PCDHA7: variants seen among roughly 807,000 people sequenced by gnomAD.
The protein encoded by PCDHA7 is protocadherin alpha 7.
PCDHA7 carries 37 observed loss-of-function variants against 57.2 expected under a neutral mutation model. The ratio of observed to expected loss-of-function variants is 0.65; its 90% CI spans 0.50 to 0.85. PCDHA7 has a LOEUF of 0.85. Among genes scored for constraint, PCDHA7 ranks in the 40% least tolerant of loss-of-function variants. The pLI, the probability that PCDHA7 is intolerant of heterozygous loss-of-function variation, is 0.00. For synonymous variants in PCDHA7, 553 were observed against 558.8 expected (o/e 0.99, Z 0.15); for missense variants, 1,188 against 1,241.8 (o/e 0.96, Z 0.65).
In PCDHA7 at chr5:140,856,944, G is replaced by A; in HGVS notation, c.2355+20206G>A. Reference sequence around the variant, plus strand: ...AAATTTTGGATAAACGAAAGGACGGGAGAAATAAAAGTAAATGATGCTATT... The same window carrying A: ...AAATTTTGGATAAACGAAAGGACGGAAGAAATAAAAGTAAATGATGCTATT... On this transcript the variant is annotated intron_variant, in intron 1 of 3. Transcript: ENST00000525929. 1.9e-6 allele frequency: 3 copies of A among 1,593,674 alleles called. 1 individual carries two copies. The highest frequency in any genetic ancestry group is 2.6e-6 in the Non-Finnish European group (3 of 1,163,664).
At chr5:140,926,143 C>A (rs2082940711) in intron 1 of PCDHA7, among the ~76,000 whole-genome samples, 1 of 152,068 alleles carries the variant, frequency 6.6e-6, no homozygotes, top group African/African-American at 2.4e-5. Context: ...CAGGATCCAG[C>A]GCGGAAAGCT....
At chr5:140,983,257 A>C (rs2097036264) in intron 3 of PCDHA7, among the ~76,000 whole-genome samples, 1 of 152,214 alleles carries the variant, frequency 6.6e-6, no homozygotes, top group Non-Finnish European at 1.5e-5. Context: ...GTTGTGTAAA[A>C]AACCTAATGG....
chr5:140,879,943 G>C (rs1554171086), intron 1 of PCDHA7, among the ~76,000 whole-genome samples: 1 of 152,078 alleles, frequency 6.6e-6, no homozygotes, highest in Non-Finnish European at 1.5e-5. Flanking sequence ...ATTGTATTTA[G>C]GGCCCATCTG....
chr5:140,859,125 T>C (rs2045735975), intron 1 of PCDHA7: 1 of 150,194 alleles, frequency 6.7e-6, no homozygotes, highest in East Asian at 1.9e-4. Flanking sequence ...TATGTTTCTT[T>C]TATTTACATA....
At chr5:140,857,673 C>T (rs372854727) in intron 1 of PCDHA7, 3 of 1,596,826 alleles carry the variant, frequency 1.9e-6, no homozygotes, top group Non-Finnish European at 2.6e-6. Context: ...GGGGGCGTGC[C>T]GCCTCTGGGC....
intron 1 of PCDHA7, chr5:140,930,241 C>T (rs2086688232): frequency 1.3e-5 from 2 of 152,148 alleles, no homozygotes; most frequent in African/African-American, 2.4e-5. Context: ...ATCCAAAGTC[C>T]ATTCAACTTG....
chr5:140,997,971 G>A (rs2097791982), intron 3 of PCDHA7, among the ~76,000 whole-genome samples: 3 of 152,086 alleles, frequency 2.0e-5, no homozygotes, highest in Admixed American at 2.0e-4. Context: ...CCTGTGGTTG[G>A]ACTGCACTTG....
At chr5:140,963,523 A>T (rs2095769740) in intron 1 of PCDHA7, among the ~76,000 whole-genome samples, 1 of 152,218 alleles carries the variant, frequency 6.6e-6, no homozygotes. Flanking sequence ...CTCATAACAG[A>T]AGTCCCATTT....
chr5:140,897,161 G>C (rs1554187213), intron 1 of PCDHA7, among the ~76,000 whole-genome samples: 1 of 151,938 alleles, frequency 6.6e-6, no homozygotes, highest in African/African-American at 2.4e-5. Flanking sequence ...TTCTTCTACT[G>C]TCTATCTCCA....
At chr5:140,857,677 T>A (rs377237803) in intron 1 of PCDHA7, 6 of 1,596,766 alleles carry the variant, frequency 3.8e-6, no homozygotes, top group Non-Finnish European at 4.3e-6. Flanking sequence ...GCGTGCCGCC[T>A]CTGGGCAGCA....
In PCDHA7 at chr5:140,877,445, C is replaced by T. The variant is rs782657623; in HGVS notation, c.2355+40707C>T. ...CTGGTGAAGGACCACGGTGAGCCCG[C>T]GCTGACGTCCACGGCCACGGTGCTG... On this transcript the variant is annotated intron_variant, in intron 1 of 3. Transcript: ENST00000525929. 36 of 1,613,714 alleles carry T rather than the reference C, an allele frequency of 2.2e-5. No individual in the cohort carries two copies. The highest frequency in any genetic ancestry group is 3.0e-5 in the Non-Finnish European group (35 of 1,179,874).
chr5:140,843,324 C>G lies in PCDHA7; in HGVS notation c.2355+6586C>G, dbSNP rs1251515111. On this transcript the variant is annotated intron_variant, in intron 1 of 3. Coordinates refer to ENST00000525929, the MANE Select transcript of PCDHA7 (RefSeq NM_018910.3). ...ACCGCCACGGCCACGGTTCTGGTGT[C>G]GCTGGTGGAGAGCGGCCAGGCTCCA... is the stretch of plus-strand genomic sequence containing the variant. 5.6e-6 allele frequency: 9 copies of G among 1,595,896 alleles called. 3 individuals carry two copies. The highest frequency in any genetic ancestry group is 3.4e-5 in the Admixed American group (2 of 59,276).
intron 2 of PCDHA7, among the ~76,000 whole-genome samples, chr5:140,980,947 G>T (rs1430215851): frequency 6.6e-6 from 1 of 152,032 alleles, no homozygotes; most frequent in Non-Finnish European, 1.5e-5. Context: ...GCTGGCTCCA[G>T]GATAGTTACA....
chr5:140,884,764 T>C (rs2060348326), intron 1 of PCDHA7: 1 of 1,417,012 alleles, frequency 7.1e-7, no homozygotes, highest in Non-Finnish European at 9.3e-7. Flanking sequence ...TATTCTTTAC[T>C]TTAATTTTAA....
intron 1 of PCDHA7, chr5:140,857,539 G>T (rs782469087): frequency 6.3e-7 from 1 of 1,597,270 alleles, no homozygotes; most frequent in African/African-American, 1.3e-5. Flanking sequence ...TGGAGCGGCG[G>T]TTGGGCGAGC....
chr5:140,849,863 G>T (rs2150454576), intron 1 of PCDHA7: 1 of 1,598,620 alleles, frequency 6.3e-7, no homozygotes, highest in East Asian at 2.2e-5. Flanking sequence ...CAGCGTTCGC[G>T]CAGTCCGAGT....
chr5:140,879,557 T>C (rs1554170871), intron 1 of PCDHA7, among the ~76,000 whole-genome samples: 1 of 152,152 alleles, frequency 6.6e-6, no homozygotes, highest in Non-Finnish European at 1.5e-5. Flanking sequence ...AAATAATCCA[T>C]GAAAGAATAA....
intron 1 of PCDHA7, among the ~76,000 whole-genome samples, chr5:140,912,933 C>T (rs1433213824): frequency 6.6e-6 from 1 of 152,070 alleles, no homozygotes; most frequent in African/African-American, 2.4e-5. Context: ...TTGAATCATC[C>T]TTGTATCCCT....
At chr5:140,989,296 G>A (rs1587341853) in intron 3 of PCDHA7, among the ~76,000 whole-genome samples, 1 of 152,128 alleles carries the variant, frequency 6.6e-6, no homozygotes, top group South Asian at 2.1e-4. Context: ...TGTCACAAAG[G>A]GCCAAGGAAG....
Sources: allele counts gnomAD v4.1 joint callset (sites outside exome capture counted in the v4.1 genomes callset), GRCh38; gene constraint gnomAD v4.1.1; transcripts MANE v1.5; gene names NCBI Gene and HGNC (gene_info 2026-07-23, HGNC 2026-07-21).